PCDH15: variants seen among roughly 807,000 people sequenced by gnomAD.
The protein encoded by PCDH15 is protocadherin related 15.
A neutral mutation model predicts 178.5 loss-of-function variants in PCDH15; 129 were observed. That is an observed-to-expected ratio of 0.72 (90% CI 0.63 to 0.84). PCDH15 has a LOEUF of 0.84. Ranked by LOEUF, PCDH15 falls within the 40% of genes least tolerant of loss-of-function variation. PCDH15 has a pLI of 0.00. For synonymous variants in PCDH15, 800 were observed against 732.0 expected, an observed-to-expected ratio of 1.09 and a Z score of -1.50; for missense variants, 2,230 against 2,099.9, an observed-to-expected ratio of 1.06 and a Z score of -1.21.
chr10:54,630,497 C>T (rs2093672467), intron 2 of PCDH15, among the ~76,000 whole-genome samples: 4 of 152,216 alleles, frequency 2.6e-5, no homozygotes, highest in African/African-American at 7.2e-5. Flanking sequence ...CCTTTCATCG[C>T]AGGCAAAAAT....
intron 3 of PCDH15, among the ~76,000 whole-genome samples, chr10:54,396,920 AAGGAGG>A (rs1305375965): frequency 2.6e-5 from 4 of 152,122 alleles, no homozygotes; most frequent in Non-Finnish European, 5.9e-5. Flanking sequence ...ACAAAATTTG[AAGGAGG>A]AGGACTGTGT....
At chr10:54,817,413 C>T (rs1026281721) in intron 3 of PCDH15, among the ~76,000 whole-genome samples, 6 of 151,908 alleles carry the variant, frequency 3.9e-5, no homozygotes, top group African/African-American at 1.4e-4. Flanking sequence ...GCAAGATAAT[C>T]AGTCAGCCTG....
At chr10:55,267,557 G>C (rs909787152) in intron 1 of PCDH15, among the ~76,000 whole-genome samples, 1 of 152,108 alleles carries the variant, frequency 6.6e-6, no homozygotes, top group Non-Finnish European at 1.5e-5. Flanking sequence ...TTGTGGAGTG[G>C]TTTTCCAAAT....
intron 8 of PCDH15, among the ~76,000 whole-genome samples, chr10:54,316,369 G>C (rs2061267799): frequency 6.6e-6 from 1 of 152,010 alleles, no homozygotes; most frequent in African/African-American, 2.4e-5. Context: ...CAGTTCTCAT[G>C]TATTTTGAGG....
intron 1 of PCDH15, among the ~76,000 whole-genome samples, chr10:54,668,635 T>A (rs1431466732): frequency 6.6e-6 from 1 of 152,202 alleles, no homozygotes; most frequent in Admixed American, 6.5e-5. Flanking sequence ...CCCTGAGTCT[T>A]GGGTGTTTGC....
At chr10:54,054,828 T>A (rs1348905259) in intron 18 of PCDH15, among the ~76,000 whole-genome samples, 1 of 151,476 alleles carries the variant, frequency 6.6e-6, no homozygotes, top group Non-Finnish European at 1.5e-5. Context: ...GGCTTTTTTC[T>A]TTATCAGAAT....
intron 2 of PCDH15, among the ~76,000 whole-genome samples, chr10:55,123,210 A>G (rs995759687): frequency 7.9e-5 from 12 of 152,006 alleles, no homozygotes; most frequent in African/African-American, 2.7e-4. Flanking sequence ...TTATGAAAAA[A>G]CATGAATATT....
chr10:54,002,926 G>A (rs1375540269), intron 20 of PCDH15, among the ~76,000 whole-genome samples: 1 of 152,134 alleles, frequency 6.6e-6, no homozygotes, highest in Non-Finnish European at 1.5e-5. Context: ...TCCACCATGT[G>A]GAAGCTTCCC....
intron 2 of PCDH15, among the ~76,000 whole-genome samples, chr10:54,575,689 A>G (rs985567708): frequency 1.3e-5 from 2 of 152,276 alleles, no homozygotes; most frequent in Admixed American, 6.5e-5. Flanking sequence ...CAATATATGA[A>G]AGAAAAAAGC....
chr10:55,344,862 C>A (rs1190803494), intron 2 of PCDH15, among the ~76,000 whole-genome samples: 1 of 152,068 alleles, frequency 6.6e-6, no homozygotes, highest in East Asian at 1.9e-4. Flanking sequence ...CCAAGGATTG[C>A]ACTCTGGGTC....
At chr10:53,954,173 T>C (rs1264593130) in intron 23 of PCDH15, among the ~76,000 whole-genome samples, 1 of 152,228 alleles carries the variant, frequency 6.6e-6, no homozygotes, top group African/African-American at 2.4e-5. Flanking sequence ...TTTTATTATG[T>C]TGTTACTTTT....
intron 1 of PCDH15, among the ~76,000 whole-genome samples, chr10:55,223,784 A>C (rs1237621961): frequency 6.6e-6 from 1 of 152,162 alleles, no homozygotes; most frequent in African/African-American, 2.4e-5. Context: ...TCTGGTCTTT[A>C]AAATAAAGGA....
intron 8 of PCDH15, among the ~76,000 whole-genome samples, chr10:54,279,621 T>G (rs1224156143): frequency 1.4e-5 from 2 of 140,294 alleles, no homozygotes; most frequent in Non-Finnish European, 3.3e-5. Flanking sequence ...CCAGATATCA[T>G]GCATTCCTTA....
At chr10:54,875,734 A>C (rs1954128241) in intron 3 of PCDH15, among the ~76,000 whole-genome samples, 2 of 152,180 alleles carry the variant, frequency 1.3e-5, no homozygotes, top group African/African-American at 4.8e-5. Flanking sequence ...TTCCATAAAA[A>C]CTGAAAGAGG....
intron 3 of PCDH15, among the ~76,000 whole-genome samples, chr10:54,807,460 C>A (rs893927154): frequency 4.6e-5 from 7 of 151,802 alleles, no homozygotes; most frequent in African/African-American, 1.2e-4. Context: ...AACAGAGGTA[C>A]AACACAAACT....
chr10:53,989,122 T>A (rs1347906399), intron 21 of PCDH15, among the ~76,000 whole-genome samples: 1 of 152,204 alleles, frequency 6.6e-6, no homozygotes, highest in Non-Finnish European at 1.5e-5. Flanking sequence ...GTATACCTAC[T>A]GGAATTGGCT....
At chr10:55,272,491 GC>G (rs890355399) in intron 1 of PCDH15, among the ~76,000 whole-genome samples, 6 of 151,668 alleles carry the variant, frequency 4.0e-5, no homozygotes, top group African/African-American at 1.5e-4. Flanking sequence ...TGCAACCCCT[GC>G]CTCCTGGGTT....
intron 2 of PCDH15, among the ~76,000 whole-genome samples, chr10:55,120,471 A>C (rs1477511626): frequency 6.6e-6 from 1 of 151,864 alleles, no homozygotes; most frequent in Non-Finnish European, 1.5e-5. Flanking sequence ...GTATATGAAT[A>C]AAAAAAATAG....
At chr10:55,460,185 G>T (rs1339267867) in intron 2 of PCDH15, among the ~76,000 whole-genome samples, 2 of 151,602 alleles carry the variant, frequency 1.3e-5, no homozygotes, top group South Asian at 4.2e-4. Context: ...TGATGTAAAA[G>T]AATATTATTA....
Sources: allele counts gnomAD v4.1 joint callset (sites outside exome capture counted in the v4.1 genomes callset), GRCh38; gene constraint gnomAD v4.1.1; transcripts MANE v1.5; gene names NCBI Gene and HGNC (gene_info 2026-07-23, HGNC 2026-07-21).